UNC5D: variants seen among roughly 807,000 people sequenced by gnomAD.
UNC5D encodes the protein unc-5 netrin receptor D.
A neutral mutation model predicts 105.4 loss-of-function variants in UNC5D; 39 were observed. The observed-to-expected ratio is 0.37, with a 90% CI of 0.29 to 0.48. The LOEUF (loss-of-function observed/expected upper bound fraction) is 0.48, where lower values mean the gene tolerates loss of function less well. UNC5D is among the 20% of genes least tolerant of loss of function. The pLI, the probability that UNC5D is intolerant of heterozygous loss-of-function variation, is 0.98. For synonymous variants in UNC5D, 452 were observed against 450.4 expected (o/e 1.00, Z -0.04); for missense variants, 991 against 1,202.4 (o/e 0.82, Z 2.60).
At chr8:35,749,528 A>G (rs1224235733) in intron 12 of UNC5D, among the ~76,000 whole-genome samples, 1 of 152,214 alleles carries the variant, frequency 6.6e-6, no homozygotes, top group African/African-American at 2.4e-5. Context: ...CTTTAGAAGA[A>G]GAAAATTCCC....
At chr8:35,350,044 ATAATT>A (rs1417023742) in intron 1 of UNC5D, among the ~76,000 whole-genome samples, 2 of 151,900 alleles carry the variant, frequency 1.3e-5, no homozygotes, top group Non-Finnish European at 2.9e-5. Context: ...TATTAAATTA[ATAATT>A]TAATTTAATA....
At chr8:35,423,962 A>G (rs1314051096) in intron 1 of UNC5D, among the ~76,000 whole-genome samples, 2 of 151,412 alleles carry the variant, frequency 1.3e-5, no homozygotes, top group Admixed American at 6.6e-5. Context: ...AAGTCTGGCT[A>G]ATTAAAAAAA....
intron 4 of UNC5D, among the ~76,000 whole-genome samples, chr8:35,600,950 T>C (rs1043295755): frequency 6.6e-6 from 1 of 152,120 alleles, no homozygotes; most frequent in Non-Finnish European, 1.5e-5. Context: ...ATTTAAGTCT[T>C]TAATCCATCT....
chr8:35,513,168 A>T (rs1405755967), intron 1 of UNC5D, among the ~76,000 whole-genome samples: 1 of 150,956 alleles, frequency 6.6e-6, no homozygotes. Context: ...TCTTCCCAAA[A>T]TAACCATGTG....
At chr8:35,529,820 G>A (rs1344033713) in intron 1 of UNC5D, among the ~76,000 whole-genome samples, 5 of 144,392 alleles carry the variant, frequency 3.5e-5, no homozygotes, top group Admixed American at 7.0e-5. Context: ...AATTGTGAAT[G>A]GGAGTTCACT....
At chr8:35,623,260 C>T (rs1821472618) in intron 4 of UNC5D, among the ~76,000 whole-genome samples, 1 of 152,142 alleles carries the variant, frequency 6.6e-6, no homozygotes, top group Non-Finnish European at 1.5e-5. Context: ...TCCGGTGTGT[C>T]AAGCTTTGAG....
chr8:35,397,415 G>A lies in UNC5D; in HGVS notation c.104-151877G>A, dbSNP rs938525823. ...GTTCCCAGATGCCAGGCAAGGGCCA[G>A]CCTAGTCAACAGTCCTTTTAAGGAA... On this transcript the variant is annotated intron_variant, in intron 1 of 16. Coordinates refer to ENST00000404895, the MANE Select transcript of UNC5D (RefSeq NM_080872.4). 2.1e-4 allele frequency among the ~76,000 whole-genome samples: 32 copies of A among 152,238 alleles called. 1 individual carries two copies. Among genetic ancestry groups the A allele is most frequent in the African/African-American group, 7.5e-4 (31 of 41,460 alleles).
At chr8:35,689,456 A>T (rs1339072206) in intron 7 of UNC5D, among the ~76,000 whole-genome samples, 1 of 152,214 alleles carries the variant, frequency 6.6e-6, no homozygotes, top group African/African-American at 2.4e-5. Context: ...GGATATGCAC[A>T]CACATAGAGG....
At chr8:35,721,095 A>G (rs1828558271) in intron 8 of UNC5D, among the ~76,000 whole-genome samples, 1 of 152,156 alleles carries the variant, frequency 6.6e-6, no homozygotes, top group African/African-American at 2.4e-5. Context: ...TAAATATATG[A>G]TGGCTTTATT....
intron 1 of UNC5D, among the ~76,000 whole-genome samples, chr8:35,458,714 T>C (rs1389569838): frequency 6.6e-6 from 1 of 152,150 alleles, no homozygotes; most frequent in Non-Finnish European, 1.5e-5. Context: ...ACCATGCAAG[T>C]AACCTTTTTA....
intron 1 of UNC5D, among the ~76,000 whole-genome samples, chr8:35,418,810 T>G (rs1805698607): frequency 6.6e-6 from 1 of 152,174 alleles, no homozygotes; most frequent in South Asian, 2.1e-4. Flanking sequence ...CTTAAAGGTG[T>G]GTCAAAAATT....
At chr8:35,705,646 G>A (rs1273626427) in intron 7 of UNC5D, among the ~76,000 whole-genome samples, 1 of 151,872 alleles carries the variant, frequency 6.6e-6, no homozygotes, top group Non-Finnish European at 1.5e-5. Context: ...TTCTCATCCT[G>A]ATAAGAATCT....
At chr8:35,711,484 T>G (rs1586503562) in intron 8 of UNC5D, among the ~76,000 whole-genome samples, 1 of 152,084 alleles carries the variant, frequency 6.6e-6, no homozygotes, top group East Asian at 1.9e-4. Flanking sequence ...TGGCCCCAGC[T>G]TTCTTTTCTT....
At chr8:35,608,667 T>G (rs1162681283) in intron 4 of UNC5D, among the ~76,000 whole-genome samples, 6 of 152,246 alleles carry the variant, frequency 3.9e-5, no homozygotes, top group Admixed American at 2.0e-4. Flanking sequence ...CCAACTTACA[T>G]GTGAGAACAC....
chr8:35,250,727 C>T (rs552475914), intron 1 of UNC5D, among the ~76,000 whole-genome samples: 1 of 152,212 alleles, frequency 6.6e-6, no homozygotes, highest in Admixed American at 6.5e-5. Flanking sequence ...GAACTCCTGA[C>T]CTCAGGCAAT....
chr8:35,270,579 CA>C (rs1805212729), intron 1 of UNC5D, among the ~76,000 whole-genome samples: 1 of 152,138 alleles, frequency 6.6e-6, no homozygotes, highest in African/African-American at 2.4e-5. Context: ...GTGATTATGA[CA>C]AATTGATAGA....
intron 2 of UNC5D, among the ~76,000 whole-genome samples, chr8:35,558,899 CT>C (rs1816735293): frequency 6.6e-6 from 1 of 151,924 alleles, no homozygotes; most frequent in South Asian, 2.1e-4. Context: ...ACAAGTATTG[CT>C]TGAACTGAAA....
chr8:35,278,404 C>CA (rs1190508390), intron 1 of UNC5D, among the ~76,000 whole-genome samples: 4 of 151,782 alleles, frequency 2.6e-5, no homozygotes, highest in Admixed American at 2.0e-4. Context: ...TTATATCTAG[C>CA]AAAAAAATCC....
At chr8:35,376,268 T>C (rs964706986) in intron 1 of UNC5D, among the ~76,000 whole-genome samples, 1 of 152,202 alleles carries the variant, frequency 6.6e-6, no homozygotes, top group Non-Finnish European at 1.5e-5. Context: ...GAGGAGTGTG[T>C]TGGAATTCCA....
Sources: gnomAD v4.1 joint callset for allele counts (sites outside exome capture counted in the v4.1 genomes callset) on GRCh38, gnomAD v4.1.1 for gene constraint, MANE v1.5 for transcripts, NCBI Gene and HGNC (gene_info 2026-07-23, HGNC 2026-07-21) for gene names.